ZBTB41: variants seen among roughly 807,000 people sequenced by gnomAD.
ZBTB41 encodes zinc finger and BTB domain containing 41.
A neutral mutation model predicts 87.6 loss-of-function variants in ZBTB41; 42 were observed. That is an observed-to-expected ratio of 0.48 (90% CI 0.37 to 0.62). ZBTB41 has a LOEUF of 0.62. ZBTB41 is among the 20% of genes least tolerant of loss of function. ZBTB41 has a pLI of 0.00. For synonymous variants in ZBTB41, 364 were observed against 364.0 expected, an observed-to-expected ratio of 1.00 and a Z score of 0.00; for missense variants, 799 against 1,078.9, an observed-to-expected ratio of 0.74 and a Z score of 3.63.
chr1:197,180,100 A>G (rs1659707410), intron 6 of ZBTB41, among the ~76,000 whole-genome samples: 1 of 152,146 alleles, frequency 6.6e-6, no homozygotes, highest in Non-Finnish European at 1.5e-5. Context: ...GGTAACCTAC[A>G]CAAACACATA....
intron 10 of ZBTB41, among the ~76,000 whole-genome samples, chr1:197,164,644 CAGAA>C (rs1392977870): frequency 2.8e-5 from 4 of 145,016 alleles, no homozygotes; most frequent in Non-Finnish European, 6.0e-5. Flanking sequence ...GACCATTCAA[CAGAA>C]AGATATGACT....
At chr1:197,177,860 G>A (rs1054914555) in intron 7 of ZBTB41, among the ~76,000 whole-genome samples, 1 of 151,996 alleles carries the variant, frequency 6.6e-6, no homozygotes, top group Admixed American at 6.6e-5. Flanking sequence ...AAATGAAAGT[G>A]TATATATTAA....
intron 7 of ZBTB41, among the ~76,000 whole-genome samples, chr1:197,178,074 C>A (rs1471580108): frequency 2.6e-5 from 4 of 151,796 alleles, no homozygotes; most frequent in Non-Finnish European, 5.9e-5. Context: ...CTTTGTCTTA[C>A]TTTCATATTA....
At chr1:197,189,508 A>G (rs1184573533) in intron 4 of ZBTB41, among the ~76,000 whole-genome samples, 1 of 151,938 alleles carries the variant, frequency 6.6e-6, no homozygotes, top group Non-Finnish European at 1.5e-5. Context: ...CCTGGGTGAC[A>G]AAGCGAGACT....
intron 9 of ZBTB41, among the ~76,000 whole-genome samples, chr1:197,173,190 G>T (rs1434809384): frequency 6.6e-6 from 1 of 151,922 alleles, no homozygotes; most frequent in Non-Finnish European, 1.5e-5. Flanking sequence ...ATCAAACCTG[G>T]GCTACTTAAT....
intron 8 of ZBTB41, among the ~76,000 whole-genome samples, chr1:197,175,515 A>G (rs1324892818): frequency 6.7e-6 from 1 of 148,186 alleles, no homozygotes; most frequent in African/African-American, 2.5e-5. Context: ...TACTGTTTAT[A>G]AAAAGGACCC....
At position 197,159,102 on chromosome 1, in the gene ZBTB41, T is replaced by A. The variant is rs150590516; in HGVS notation, c.*257A>T. On this transcript the variant is annotated 3_prime_UTR_variant, in exon 11 of 11. Transcript: ENST00000367405. ...ATCAGCAGCTAATAATTGCAAAAAATTTAAGAAACCATTAAAAGTTAGCAC... is the reference window on the plus strand; with the variant it reads ...ATCAGCAGCTAATAATTGCAAAAAAATTAAGAAACCATTAAAAGTTAGCAC... 1,311 of 364,484 alleles carry A rather than the reference T, an allele frequency of 3.6e-3. 14 individuals are homozygous for A. The highest frequency in any genetic ancestry group is 0.025 in the African/African-American group (1,193 of 47,526). The allele number at this position is 364,484 out of a possible 1,614,324, so 22.6% of individuals were successfully genotyped here. A position where few individuals can be genotyped will look rare whatever the true frequency, so the allele number is the denominator to read the frequency against.
chr1:197,199,452 A>G lies in ZBTB41; in HGVS notation c.1022T>C (p.Val341Ala), dbSNP rs766817408. The stretch of plus-strand genomic sequence containing the variant: ...AGTTAACCCCTCATGAACATTTCCT[A>G]CAGAATCACCAGCCTCAGGTTCTTC... ...AEEEPEAGDS[V>A]GNVHEGLTPV... is the part of the protein sequence containing the mutation. Residue 341 changes from valine to alanine, a missense_variant, in exon 2 of 11, where the codon GTA (valine) becomes GCA (alanine). This residue lies in a region of ZBTB41 where 294 missense variants were observed against 340.1 expected (regional missense o/e 0.86). Transcript: ENST00000367405. The G allele has an allele frequency of 6.2e-7, 1 of 1,612,848 alleles. No homozygotes were observed. The highest frequency in any genetic ancestry group is 1.7e-5 in the Admixed American group (1 of 59,766).
Position 197,155,942 on chromosome 1 carries a change from G to A in ZBTB41, c.*3417C>T, listed in dbSNP as rs997622397. On this transcript the variant is annotated 3_prime_UTR_variant, in exon 11 of 11. Transcript: ENST00000367405. ...TTTTAGGCTGCAAAAAAAATAGGTTGGGTTTCTTACAAAAATAACCTCAAC... is the reference window on the plus strand; with the variant it reads ...TTTTAGGCTGCAAAAAAAATAGGTTAGGTTTCTTACAAAAATAACCTCAAC... 1 of 152,082 alleles carries A rather than the reference G, an allele frequency of 6.6e-6. No homozygotes were observed. The highest frequency in any genetic ancestry group is 1.5e-5 in the Non-Finnish European group (1 of 67,740). The allele number at this position is 152,082 out of a possible 1,614,324, so 9.4% of individuals were successfully genotyped here. A position where few individuals can be genotyped will look rare whatever the true frequency, so the allele number is the denominator to read the frequency against.
intron 10 of ZBTB41, among the ~76,000 whole-genome samples, chr1:197,160,835 C>A (rs1659184607): frequency 6.6e-6 from 1 of 152,020 alleles, no homozygotes; most frequent in East Asian, 1.9e-4. Context: ...ACAGGTGAGT[C>A]AAATCTAATC....
At chr1:197,172,436 T>A (rs1659504541) in intron 9 of ZBTB41, among the ~76,000 whole-genome samples, 188 bp from the exon 10 acceptor site, 1 of 152,002 alleles carries the variant, frequency 6.6e-6, no homozygotes, top group African/African-American at 2.4e-5. Context: ...ACTTTTAATA[T>A]GTTGAGCTTG....
At chr1:197,191,636 C>T (rs1359774921) in intron 3 of ZBTB41, 56 bp downstream of exon 3, 2 of 1,415,070 alleles carry the variant, frequency 1.4e-6, no homozygotes, top group African/African-American at 2.9e-5. Context: ...TAGCTTTCCA[C>T]ATATTTAAAT....
chr1:197,159,306 T>A lies in ZBTB41; in HGVS notation c.*53A>T. ...AGCCCCACAAATTTAAAAGCTATCA[T>A]CTCTACCATTAGCATATAACCATCC... On this transcript the variant is annotated 3_prime_UTR_variant, in exon 11 of 11. Transcript: ENST00000367405. The A allele has an allele frequency of 6.4e-7, 1 of 1,553,622 alleles. No individual in the cohort carries two copies. The highest frequency in any genetic ancestry group is 8.8e-7 in the Non-Finnish European group (1 of 1,133,660).
At chr1:197,200,652 C>A (rs571620929) in intron 1 of ZBTB41, 62 bp from the exon 2 acceptor site, 24 of 477,546 alleles carry the variant, frequency 5.0e-5, no homozygotes, top group Admixed American at 4.2e-4. Context: ...AATCAGCCAA[C>A]GGCAATCATC....
chr1:197,177,969 A>G (rs1039500378), intron 7 of ZBTB41, among the ~76,000 whole-genome samples: 1 of 152,090 alleles, frequency 6.6e-6, no homozygotes. Context: ...AACTGCAAAT[A>G]TGGTCAAGGA....
chr1:197,191,734 T>G lies in ZBTB41; in HGVS notation c.1286A>C (p.Lys429Thr). Residue 429 changes from lysine to threonine, a missense_variant, in exon 3 of 11, where the codon AAA becomes ACA. Around this residue, in one of 5 missense-constraint regions of ZBTB41, gnomAD observed 294 missense variants for 340.1 expected, o/e 0.86. Transcript: ENST00000367405. ...KKEHKCPYCN[K>T]LHASKKTLAK... ...TAAAGTCTTCTTGCTTGCATGAAGT[T>G]TATTACAATAAGGGCACTTGTGCTC... 1 of 1,613,616 alleles carries G rather than the reference T, an allele frequency of 6.2e-7. No homozygotes were observed. Among genetic ancestry groups the G allele is most frequent in the Non-Finnish European group, 8.5e-7 (1 of 1,179,808 alleles).
chr1:197,184,439 G>T (rs900714433), intron 5 of ZBTB41, among the ~76,000 whole-genome samples: 8 of 152,036 alleles, frequency 5.3e-5, no homozygotes, highest in Non-Finnish European at 1.2e-4. Context: ...AAAATTTCAA[G>T]GACCATGTTT....
At chr1:197,162,650 A>T (rs75010815) in intron 10 of ZBTB41, among the ~76,000 whole-genome samples, 3,043 of 152,264 alleles carry the variant, frequency 0.02, 93 homozygotes, top group African/African-American at 0.067. Flanking sequence ...AAAGATTTTT[A>T]AAAAATAACC....
intron 6 of ZBTB41, among the ~76,000 whole-genome samples, chr1:197,179,299 G>A (rs1243758157): frequency 3.0e-4 from 46 of 152,040 alleles, no homozygotes; most frequent in Admixed American, 3.0e-3. Context: ...TTACAACGGA[G>A]CTACACAATT....
Sources: allele counts gnomAD v4.1 joint callset (sites outside exome capture counted in the v4.1 genomes callset), GRCh38; gene constraint gnomAD v4.1.1; regional missense constraint gnomAD v4.1.1; transcripts MANE v1.5; gene names NCBI Gene and HGNC (gene_info 2026-07-23, HGNC 2026-07-21).